The following SLC4A7 variants were observed in gnomAD, a reference collection of about 807,000 sequenced individuals.
SLC4A7 encodes the protein sodium bicarbonate cotransporter 3.
A neutral mutation model predicts 137.6 loss-of-function variants in SLC4A7; 51 were observed. The ratio of observed to expected loss-of-function variants is 0.37; its 90% CI spans 0.30 to 0.47. The LOEUF is 0.47. Ranked by LOEUF, SLC4A7 falls within the 20% of genes least tolerant of loss-of-function variation. SLC4A7 has a pLI of 1.00. For synonymous variants in SLC4A7, 542 were observed against 518.6 expected (o/e 1.05, Z -0.61); for missense variants, 1,247 against 1,525.4 (o/e 0.82, Z 3.04).
intron 3 of SLC4A7, among the ~76,000 whole-genome samples, chr3:27,446,442 C>A (rs2057644802): frequency 6.6e-6 from 1 of 152,088 alleles, no homozygotes; most frequent in Non-Finnish European, 1.5e-5. Context: ...TTTGAAAAGT[C>A]AAATATTTTC....
chr3:27,450,406 G>A (rs1478061561), intron 2 of SLC4A7, among the ~76,000 whole-genome samples: 1 of 152,088 alleles, frequency 6.6e-6, no homozygotes, highest in African/African-American at 2.4e-5. Flanking sequence ...AAAAAAGTGT[G>A]TAATTTAAAT....
At chr3:27,428,407 G>A (rs1198785602) in intron 7 of SLC4A7, 1 of 154,190 alleles carries the variant, frequency 6.5e-6, no homozygotes, top group African/African-American at 2.4e-5. Flanking sequence ...GCTGTCTCTG[G>A]AACAAACTAT....
chr3:27,438,533 A>G (rs1344372192), intron 3 of SLC4A7, among the ~76,000 whole-genome samples: 2 of 151,468 alleles, frequency 1.3e-5, no homozygotes, highest in African/African-American at 4.9e-5. Flanking sequence ...AACACAAAAT[A>G]AAATAAAATA....
At chr3:27,458,181 A>T (rs1443878730) in intron 1 of SLC4A7, among the ~76,000 whole-genome samples, 1 of 152,168 alleles carries the variant, frequency 6.6e-6, no homozygotes, top group Admixed American at 6.5e-5. Flanking sequence ...ATTTAATAAG[A>T]TAACTAGTTT....
chr3:27,401,426 T>C (rs2052730777), intron 15 of SLC4A7, among the ~76,000 whole-genome samples: 1 of 152,230 alleles, frequency 6.6e-6, no homozygotes, highest in Non-Finnish European at 1.5e-5. Flanking sequence ...CAGAACTATT[T>C]CAACTACCTA....
chr3:27,373,551 A>C lies in SLC4A7; in HGVS notation c.*3213T>G, dbSNP rs1224527517. On this transcript the variant is annotated 3_prime_UTR_variant, in exon 26 of 26. Transcript: ENST00000454389. ...TATATCAATGGCTTACACAGTTGAA[A>C]TCTGAGCACTTTAAAACAGGATTCA... 6.6e-6 allele frequency: 1 copy of C among 152,194 alleles called. No individual in the cohort carries two copies. The highest frequency in any genetic ancestry group is 1.9e-4 in the East Asian group (1 of 5,208). 9.4% of individuals were successfully genotyped at this position (152,194 alleles called of 1,614,324 possible).
At chr3:27,455,345 C>A (rs528581457) in intron 1 of SLC4A7, among the ~76,000 whole-genome samples, 27 of 152,188 alleles carry the variant, frequency 1.8e-4, no homozygotes, top group African/African-American at 6.3e-4. Flanking sequence ...AAAATATTTA[C>A]AAGACTAAAC....
chr3:27,413,046 T>C (rs865851103), intron 11 of SLC4A7, among the ~76,000 whole-genome samples: 17 of 152,232 alleles, frequency 1.1e-4, no homozygotes, highest in Non-Finnish European at 1.8e-4. Context: ...AGACTGCTGT[T>C]TGAAAAATAC....
In SLC4A7 at chr3:27,376,807, T is replaced by C; in HGVS notation, c.3737A>G (p.Asp1246Gly). The C allele has an allele frequency of 6.3e-7, 1 of 1,599,588 alleles. No homozygotes were observed. The highest frequency in any genetic ancestry group is 8.5e-7 in the Non-Finnish European group (1 of 1,170,842). Residue 1246 changes from aspartate to glycine, a missense_variant, in exon 26 of 26, where the codon GAT (aspartate) becomes GGT (glycine). Physicochemically the swap from Asp to Gly is moderately conservative, Grantham distance 94. Transcript: ENST00000454389. ...ATCCACGTATTTCTTTCTTGGTTCA[T>C]CTTCAAAACTTATTTTCACACTCAC... Reference protein sequence around the residue: ...KPVSVKISFEDEPRKKYVDAE... With the variant: ...KPVSVKISFEGEPRKKYVDAE...
intron 15 of SLC4A7, chr3:27,401,120 C>G (rs2052702821): frequency 7.0e-6 from 2 of 285,468 alleles, no homozygotes; most frequent in South Asian, 6.4e-5. Context: ...GGTGAGGGCA[C>G]TATTTTACTT....
chr3:27,463,816 C>T (rs1227629788), intron 1 of SLC4A7, among the ~76,000 whole-genome samples: 1 of 152,198 alleles, frequency 6.6e-6, no homozygotes, highest in Non-Finnish European at 1.5e-5. Flanking sequence ...AGGACTCCAT[C>T]TCACTTTGCT....
chr3:27,475,477 T>C (rs879329384), intron 1 of SLC4A7, among the ~76,000 whole-genome samples: 3 of 152,004 alleles, frequency 2.0e-5, no homozygotes, highest in Non-Finnish European at 2.9e-5. Context: ...CCCAAACATG[T>C]ACTTGTTACA....
At position 27,451,284 on chromosome 3, in the gene SLC4A7, A is replaced by C. The variant is rs544146119; in HGVS notation, c.142+1133T>G. On this transcript the variant is annotated intron_variant, in intron 2 of 25. Transcript: ENST00000454389. Reference sequence around the variant, plus strand: ...TCAATATAGTACTAGCTCTCACAGAAGAGTTTAACTTAAGGATGTAGTTCC... The same window carrying C: ...TCAATATAGTACTAGCTCTCACAGACGAGTTTAACTTAAGGATGTAGTTCC... Among the ~76,000 whole-genome samples, 7 of 152,252 alleles carry C rather than the reference A, an allele frequency of 4.6e-5. No individual in the cohort carries two copies. In the South Asian group the frequency reaches 1.4e-3, roughly 32 times the overall value.
At chr3:27,455,302 C>T (rs2058333409) in intron 1 of SLC4A7, among the ~76,000 whole-genome samples, 3 of 152,106 alleles carry the variant, frequency 2.0e-5, no homozygotes, top group Admixed American at 6.5e-5. Context: ...ACTGCAAAAG[C>T]ACATTGTAGT....
At chr3:27,415,964 G>GATTT (rs1438056017) in intron 11 of SLC4A7, among the ~76,000 whole-genome samples, 1 of 152,160 alleles carries the variant, frequency 6.6e-6, no homozygotes, top group Non-Finnish European at 1.5e-5. Context: ...TGAAATGACA[G>GATTT]GCAATGGCAG....
Position 27,418,624 on chromosome 3 carries a change from A to T in SLC4A7, c.1521T>A (p.His507Gln). ...TGTCTTTTGCTTTATAAGCTACATC[A>T]TGGAAAATCTAAGTGAAAAAAATAT... The part of the protein sequence containing the change: ...IATLMTDEIF[H>Q]DVAYKAKDRN... The change falls in exon 11 of 26, where the codon CAT becomes CAA. Residue 507 changes from histidine (H) to glutamine (Q), a missense_variant. His to Gln is a conservative substitution (Grantham distance 24). This residue lies in a region of SLC4A7 where 499 missense variants were observed against 664.2 expected (regional missense o/e 0.75). Coordinates refer to ENST00000454389, the MANE Select transcript of SLC4A7 (RefSeq NM_001321103.2). 1 of 1,577,118 alleles carries T rather than the reference A, an allele frequency of 6.3e-7. No homozygotes were observed. The highest frequency in any genetic ancestry group is 8.6e-7 in the Non-Finnish European group (1 of 1,158,346).
chr3:27,474,983 G>A (rs1218104011), intron 1 of SLC4A7, among the ~76,000 whole-genome samples: 3 of 151,998 alleles, frequency 2.0e-5, no homozygotes, highest in South Asian at 2.1e-4. Context: ...GATGGCGCAC[G>A]CCTGTGATCC....
intron 2 of SLC4A7, among the ~76,000 whole-genome samples, chr3:27,449,043 A>G (rs185305688): frequency 2.2e-5 from 3 of 135,870 alleles, no homozygotes; most frequent in Non-Finnish European, 5.0e-5. Context: ...ATCTAAAAAG[A>G]TATCTTTTTT....
intron 20 of SLC4A7, among the ~76,000 whole-genome samples, chr3:27,392,377 C>T (rs2051654361): frequency 6.6e-6 from 1 of 152,164 alleles, no homozygotes; most frequent in South Asian, 2.1e-4. Flanking sequence ...CATCCATTTA[C>T]TCAAAACCAC....
Sources: gnomAD v4.1 joint callset for allele counts (sites outside exome capture counted in the v4.1 genomes callset) on GRCh38, gnomAD v4.1.1 for gene constraint, gnomAD v4.1.1 regional missense constraint, MANE v1.5 for transcripts, NCBI Gene and HGNC (gene_info 2026-07-23, HGNC 2026-07-21) for gene names.